The following PPEF1 variants were observed in gnomAD, a reference collection of about 807,000 sequenced individuals.
The protein encoded by PPEF1 is protein phosphatase with EF-hand domain 1, also known as serine/threonine-protein phosphatase with EF-hands 1.
In PPEF1, 12 loss-of-function variants were observed where a neutral mutation model predicts 53.3. The observed-to-expected ratio is 0.23, with a 90% CI of 0.14 to 0.36. The LOEUF (loss-of-function observed/expected upper bound fraction) is 0.36. PPEF1 is among the 10% of genes least tolerant of loss of function. PPEF1 has a pLI of 1.00. For missense variants in PPEF1, 334 were observed against 490.4 expected, an observed-to-expected ratio of 0.68 and a Z score of 3.01; for synonymous variants, 165 against 176.7, an observed-to-expected ratio of 0.93 and a Z score of 0.52.
intron 4 of PPEF1, among the ~76,000 whole-genome samples, chrX:18,753,167 C>A (rs758536630): frequency 1.8e-5 from 2 of 111,431 alleles, no homozygotes; most frequent in Admixed American, 9.6e-5. Flanking sequence ...ATGACTGATC[C>A]AATCTCTTGT....
rs138782755 is a variant in PPEF1, at chrX:18,729,182, A to G, written c.47-999A>G. Among the ~76,000 whole-genome samples the G allele has an allele frequency of 1.6e-3, 174 of 111,582 alleles. 1 individual carries two copies. Among genetic ancestry groups the G allele is most frequent in the East Asian group, 0.011 (38 of 3,534 alleles). The stretch of plus-strand genomic sequence containing the variant: ...GTAACATCTCATTTCATCCTCATAG[A>G]AACTCTGTGAGGGAGGGGGTGTGTT... On this transcript the variant is annotated intron_variant, in intron 1 of 15. Transcript: ENST00000470157.
At chrX:18,772,865 C>G (rs930563262) in intron 6 of PPEF1, among the ~76,000 whole-genome samples, 1 of 112,463 alleles carries the variant, frequency 8.9e-6, no homozygotes, top group Non-Finnish European at 1.9e-5. Context: ...CATTTCAATT[C>G]CTCACTGACT....
At chrX:18,740,763 A>G (rs1468736199) in intron 3 of PPEF1, among the ~76,000 whole-genome samples, 2 of 111,222 alleles carry the variant, frequency 1.8e-5, no homozygotes, top group East Asian at 5.6e-4. Flanking sequence ...ATTCTGAAGC[A>G]GAGGCAGGCA....
intron 3 of PPEF1, among the ~76,000 whole-genome samples, chrX:18,687,262 T>C (rs982409746): frequency 1.1e-4 from 12 of 111,194 alleles, no homozygotes; most frequent in African/African-American, 3.6e-4. Context: ...CACTGCCACC[T>C]AGAACAAAAC....
At chrX:18,800,322 T>C (rs2046523201) in intron 10 of PPEF1, among the ~76,000 whole-genome samples, 1 of 110,672 alleles carries the variant, frequency 9.0e-6, no homozygotes, top group Admixed American at 9.8e-5. Flanking sequence ...TATAAAATAA[T>C]ATATCCATAT....
At chrX:18,725,992 G>A (rs2044697099) in intron 1 of PPEF1, among the ~76,000 whole-genome samples, 1 of 111,229 alleles carries the variant, frequency 9.0e-6, no homozygotes, top group South Asian at 3.7e-4. Flanking sequence ...CTCTTTCTCC[G>A]CATCAGGGAG....
At chrX:18,743,976 C>T (rs1267723517) in intron 3 of PPEF1, among the ~76,000 whole-genome samples, 1 of 110,583 alleles carries the variant, frequency 9.0e-6, no homozygotes, top group Non-Finnish European at 1.9e-5. Context: ...GCAACCTCCC[C>T]GCTGCCCAGG....
chrX:18,735,535 G>T (rs934037819), intron 3 of PPEF1, among the ~76,000 whole-genome samples: 25 of 111,911 alleles, frequency 2.2e-4, no homozygotes, highest in African/African-American at 8.1e-4. Context: ...CTGTAGCCTT[G>T]TAGTATAGTT....
intron 10 of PPEF1, among the ~76,000 whole-genome samples, chrX:18,793,709 G>C (rs915729838): frequency 1.5e-5 from 1 of 64,548 alleles, no homozygotes; most frequent in African/African-American, 6.9e-5. Flanking sequence ...CCCCCCGCCC[G>C]TGTATGAGTC....
At chrX:18,818,204 T>C (rs2046959259) in intron 13 of PPEF1, 59 bp downstream of exon 13, 1 of 755,752 alleles carries the variant, frequency 1.3e-6, no homozygotes, top group Middle Eastern at 3.0e-4. Flanking sequence ...TACAGATCAC[T>C]TTTCATTTTC....
upstream of PPEF1, among the ~76,000 whole-genome samples, chrX:18,705,342 C>T (rs1468539646): frequency 9.0e-6 from 1 of 111,601 alleles, no homozygotes; most frequent in Non-Finnish European, 1.9e-5. Context: ...CAGGGCTCAT[C>T]CTGCCCTTGG....
chrX:18,764,661 C>G (rs764396099), intron 6 of PPEF1, among the ~76,000 whole-genome samples: 1 of 111,362 alleles, frequency 9.0e-6, no homozygotes, highest in African/African-American at 3.3e-5. Context: ...TTCAGAAGTG[C>G]GGTCCGGCTA....
intron 12 of PPEF1, among the ~76,000 whole-genome samples, chrX:18,811,603 ATATATATATATATTTTTTTT>A (rs1190881166): frequency 0.05 from 1,041 of 20,633 alleles, 4 homozygotes; most frequent in Non-Finnish European, 0.085. Flanking sequence ...ATATATATAT[ATATATATATATATTTTTTTT>A]TTTTTTTTTT....
chrX:18,706,859 C>T (rs1257142485), upstream of PPEF1, among the ~76,000 whole-genome samples: 3 of 71,528 alleles, frequency 4.2e-5, no homozygotes, highest in Non-Finnish European at 7.2e-5. Flanking sequence ...GATGGAGTCT[C>T]GCTTTGTCGC....
intron 13 of PPEF1, among the ~76,000 whole-genome samples, chrX:18,820,049 T>C (rs2047001677): frequency 9.0e-6 from 1 of 111,694 alleles, no homozygotes; most frequent in Non-Finnish European, 1.9e-5. Context: ...TAGAATCATA[T>C]ACACCAAACA....
chrX:18,686,215 G>A, exon 3 of PPEF1: 1 of 111,938 alleles, frequency 8.9e-6, no homozygotes, highest in East Asian at 2.8e-4. Flanking sequence ...AACGAATCTG[G>A]TTTGAAACTT....
intron 1 of PPEF1, among the ~76,000 whole-genome samples, chrX:18,717,309 C>T (rs2044481174): frequency 9.2e-6 from 1 of 108,715 alleles, no homozygotes; most frequent in Non-Finnish European, 1.9e-5. Context: ...AACTACAATA[C>T]TAGATCACCC....
intron 3 of PPEF1, among the ~76,000 whole-genome samples, chrX:18,744,541 A>G (rs1247940310): frequency 8.9e-6 from 1 of 111,851 alleles, no homozygotes; most frequent in Non-Finnish European, 1.9e-5. Context: ...CATAGGTTTA[A>G]ACAGAGACTG....
intron 6 of PPEF1, among the ~76,000 whole-genome samples, chrX:18,701,214 G>C (rs775984010): frequency 6.2e-5 from 7 of 112,243 alleles, no homozygotes; most frequent in African/African-American, 2.3e-4. Context: ...ATGATTACTG[G>C]TATAGCATTC....
Sources: gnomAD v4.1 joint callset for allele counts (sites outside exome capture counted in the v4.1 genomes callset) on GRCh38, gnomAD v4.1.1 for gene constraint, MANE v1.5 for transcripts, NCBI Gene and HGNC (gene_info 2026-07-23, HGNC 2026-07-21) for gene names.